The following CCDC33 variants were observed in gnomAD, a reference collection of about 807,000 sequenced individuals.
The protein encoded by CCDC33 is coiled-coil domain containing 33, also known as coiled-coil domain-containing protein 33.
Under a neutral mutation model 91.9 loss-of-function variants are expected in CCDC33, and 94 were observed. That is an observed-to-expected ratio of 1.02 (90% CI 0.87 to 1.21). CCDC33 has a LOEUF of 1.21. Among genes scored for constraint, CCDC33 ranks in the 50% most tolerant of loss-of-function variants. The pLI, the probability that CCDC33 is intolerant of heterozygous loss-of-function variation, is 0.00. For synonymous variants in CCDC33, 396 were observed against 374.5 expected (o/e 1.06, Z -0.66); for missense variants, 940 against 935.5 (o/e 1.00, Z -0.06).
intron 5 of CCDC33, among the ~76,000 whole-genome samples, chr15:74,271,390 T>A (rs2076312152): frequency 6.6e-6 from 1 of 151,742 alleles, no homozygotes; most frequent in Non-Finnish European, 1.5e-5. Context: ...GAACACAACC[T>A]CCCTTCCCAG....
At chr15:74,285,705 C>T (rs1340867532) in intron 10 of CCDC33, among the ~76,000 whole-genome samples, 1 of 151,944 alleles carries the variant, frequency 6.6e-6, no homozygotes, top group East Asian at 1.9e-4. Context: ...GAATATTGCA[C>T]TTGAAGGTGG....
chr15:74,296,635 A>G (rs2142615949), intron 11 of CCDC33, among the ~76,000 whole-genome samples: 1 of 152,282 alleles, frequency 6.6e-6, no homozygotes, highest in Non-Finnish European at 1.5e-5. Flanking sequence ...TCAAAAAATA[A>G]TAATAATAAT....
exon 1 of CCDC33, chr15:74,217,334 CGAG>C: frequency 7.8e-7 from 1 of 1,289,680 alleles, no homozygotes; most frequent in Non-Finnish European, 1.0e-6. Flanking sequence ...GGCTGAAGGC[CGAG>C]GAGAAGACGC....
intron 1 of CCDC33, among the ~76,000 whole-genome samples, chr15:74,239,646 C>T (rs1237848314): frequency 6.6e-6 from 1 of 152,224 alleles, no homozygotes; most frequent in Non-Finnish European, 1.5e-5. Flanking sequence ...ACTGGCCAAA[C>T]CCCTGCCTGG....
intron 1 of CCDC33, among the ~76,000 whole-genome samples, chr15:74,205,445 A>G (rs2074238724): frequency 6.6e-6 from 1 of 152,274 alleles, no homozygotes; most frequent in African/African-American, 2.4e-5. Context: ...GAGAGATGCC[A>G]GGCACTTACA....
chr15:74,292,525 C>T (rs1043276163), intron 10 of CCDC33, among the ~76,000 whole-genome samples: 4 of 152,212 alleles, frequency 2.6e-5, no homozygotes, highest in African/African-American at 7.2e-5. Flanking sequence ...ATGACAAAAG[C>T]AACTCCCTCT....
intron 11 of CCDC33, among the ~76,000 whole-genome samples, chr15:74,324,800 T>G (rs1432480399): frequency 1.9e-5 from 1 of 52,386 alleles, no homozygotes; most frequent in Non-Finnish European, 3.9e-5. Flanking sequence ...CCAACCCAGC[T>G]CCCCCTCCTT....
chr15:74,232,088 T>G (rs2074991838), upstream of CCDC33, among the ~76,000 whole-genome samples: 1 of 152,098 alleles, frequency 6.6e-6, no homozygotes. Flanking sequence ...ATGGCGCAGG[T>G]CAACTCTTGG....
rs1596146421 is a variant in CCDC33, at chr15:74,333,419, T to C, written c.1939-462T>C. 6.6e-6 allele frequency: 6 copies of C among 908,578 alleles called. No homozygotes were observed. In the East Asian group the frequency reaches 1.6e-4, roughly 24 times the overall value. 56.3% of individuals were successfully genotyped at this position (908,578 alleles called of 1,614,324 possible). On this transcript the variant is annotated intron_variant, in intron 16 of 18. Transcript: ENST00000398814. ...TTACATAAACCCCAAAGCAGAACATTTGGAATCACAGAATATTGGGCAGGG... is the reference window on the plus strand; with the variant it reads ...TTACATAAACCCCAAAGCAGAACATCTGGAATCACAGAATATTGGGCAGGG...
At chr15:74,242,900 G>A (rs1169855860) in intron 1 of CCDC33, among the ~76,000 whole-genome samples, 1 of 152,118 alleles carries the variant, frequency 6.6e-6, no homozygotes, top group Non-Finnish European at 1.5e-5. Flanking sequence ...CCCGCTTGCT[G>A]CCTTCGCTCC....
chr15:74,293,650 A>ACCAGGTGGGAGAGAGAG (rs2059626029), intron 10 of CCDC33, among the ~76,000 whole-genome samples: 1 of 152,198 alleles, frequency 6.6e-6, no homozygotes, highest in African/African-American at 2.4e-5. Context: ...TACTGAGAGG[A>ACCAGGTGGGAGAGAGAG]CCAGGTGGGA....
intron 10 of CCDC33, among the ~76,000 whole-genome samples, chr15:74,283,358 G>A (rs922838702): frequency 1.3e-5 from 2 of 152,198 alleles, no homozygotes; most frequent in Non-Finnish European, 2.9e-5. Context: ...CACTGGGCAT[G>A]TGTATCCTGG....
At position 74,280,729 on chromosome 15, in the gene CCDC33, G is replaced by A. The variant is rs1339014293; in HGVS notation, c.951G>A (p.Lys317=). Reference sequence around the variant, plus strand: ...TGGGCATCTCTGTGTTGCCGCTAAAGAGCCGTTTGTACCAGAAGATGCTGA... The same window carrying A: ...TGGGCATCTCTGTGTTGCCGCTAAAAAGCCGTTTGTACCAGAAGATGCTGA... ...QPLGISVLPL[K]SRLYQKMLTG... is the part of the protein sequence containing the mutation. The change falls in exon 9 of 19, where the codon AAG becomes AAA. Residue 317 remains lysine (K), a synonymous_variant. Coordinates refer to ENST00000398814, the MANE Select transcript of CCDC33 (RefSeq NM_025055.5). 1 of 1,576,798 alleles carries A rather than the reference G, an allele frequency of 6.3e-7. No individual in the cohort carries two copies. Among genetic ancestry groups the A allele is most frequent in the Non-Finnish European group, 8.6e-7 (1 of 1,161,284 alleles).
chr15:74,217,262 C>T, exon 1 of CCDC33: 2 of 1,258,262 alleles, frequency 1.6e-6, no homozygotes, highest in Non-Finnish European at 2.1e-6. Flanking sequence ...CAGTTGGTCT[C>T]TCAGTGGCCA....
chr15:74,245,870 C>T (rs1327154556), intron 2 of CCDC33, among the ~76,000 whole-genome samples: 2 of 152,144 alleles, frequency 1.3e-5, no homozygotes, highest in African/African-American at 4.8e-5. Context: ...TCCAGACAGG[C>T]GAAGCTGCCA....
chr15:74,289,583 G>A lies in CCDC33; in HGVS notation c.1096-6171G>A, dbSNP rs145471724. 7.6e-4 allele frequency among the ~76,000 whole-genome samples: 115 copies of A among 152,292 alleles called. No individual in the cohort carries two copies. The East Asian group carries it at 0.02, about 27-fold the overall frequency. On this transcript the variant is annotated intron_variant, in intron 10 of 18. Transcript: ENST00000398814. ...GCAAAAATTAGCCAGGCATCGTGTT[G>A]TGCACCTGTAGTCCTAGCTACTTGG...
At chr15:74,284,975 C>A (rs1272145745) in intron 10 of CCDC33, among the ~76,000 whole-genome samples, 1 of 152,276 alleles carries the variant, frequency 6.6e-6, no homozygotes, top group African/African-American at 2.4e-5. Flanking sequence ...AAGCCACCAC[C>A]TGACACCTGG....
At chr15:74,236,221 TC>T (rs2075149986), upstream of CCDC33, 1 of 153,282 alleles carries the variant, frequency 6.5e-6, no homozygotes. Flanking sequence ...GAAAAGGGCT[TC>T]GCGTTCTAGC....
chr15:74,203,914 G>C (rs539158251), intron 1 of CCDC33, among the ~76,000 whole-genome samples: 2 of 152,306 alleles, frequency 1.3e-5, no homozygotes, highest in South Asian at 4.1e-4. Flanking sequence ...TGGGGATGGG[G>C]GTGGGGGAAA....
Sources: allele counts gnomAD v4.1 joint callset (sites outside exome capture counted in the v4.1 genomes callset), GRCh38; gene constraint gnomAD v4.1.1; transcripts MANE v1.5; gene names NCBI Gene and HGNC (gene_info 2026-07-23, HGNC 2026-07-21).